SLC39A8: variants seen among roughly 807,000 people sequenced by gnomAD.
The protein encoded by SLC39A8 is metal cation symporter ZIP8.
In SLC39A8, 15 loss-of-function variants were observed where a neutral mutation model predicts 40.4. The observed-to-expected ratio is 0.37, with a 90% CI of 0.25 to 0.57. The LOEUF (loss-of-function observed/expected upper bound fraction) is 0.57, where lower values mean the gene tolerates loss of function less well. Ranked by LOEUF, SLC39A8 falls within the 20% of genes least tolerant of loss-of-function variation. The pLI, the probability that SLC39A8 is intolerant of heterozygous loss-of-function variation, is 0.75. For synonymous variants in SLC39A8, 223 were observed against 221.6 expected, an observed-to-expected ratio of 1.01 and a Z score of -0.06; for missense variants, 472 against 558.8, an observed-to-expected ratio of 0.84 and a Z score of 1.57.
intron 6 of SLC39A8, among the ~76,000 whole-genome samples, chr4:102,295,857 T>C (rs1733657716): frequency 6.6e-6 from 1 of 152,108 alleles, no homozygotes; most frequent in African/African-American, 2.4e-5. Context: ...ATAAAATGCT[T>C]TTGTCAAATT....
chr4:102,264,040 A>G (rs1731981171), intron 8 of SLC39A8, among the ~76,000 whole-genome samples: 1 of 152,140 alleles, frequency 6.6e-6, no homozygotes, highest in Non-Finnish European at 1.5e-5. Context: ...TCCAATTTCA[A>G]TTAATGTGGA....
chr4:102,331,485 A>T (rs769190456), intron 2 of SLC39A8, among the ~76,000 whole-genome samples: 1 of 152,164 alleles, frequency 6.6e-6, no homozygotes. Flanking sequence ...CTTCTAGGAG[A>T]ACTACAAACC....
intron 6 of SLC39A8, among the ~76,000 whole-genome samples, chr4:102,301,164 T>C (rs1366199573): frequency 2.0e-5 from 3 of 151,986 alleles, no homozygotes; most frequent in African/African-American, 7.2e-5. Flanking sequence ...TCTCACTAGA[T>C]AGGTAGTTTA....
At chr4:102,267,813 C>T in intron 7 of SLC39A8, 59 bp downstream of exon 7, 1 of 1,585,922 alleles carries the variant, frequency 6.3e-7, no homozygotes, top group African/African-American at 1.3e-5. Context: ...CCTGAAAAGT[C>T]TCATTCCACT....
intron 6 of SLC39A8, among the ~76,000 whole-genome samples, chr4:102,289,828 A>G (rs1733342437): frequency 6.6e-6 from 1 of 152,196 alleles, no homozygotes; most frequent in Non-Finnish European, 1.5e-5. Flanking sequence ...ATGAGCAAAC[A>G]AAGTGGTTTC....
intron 2 of SLC39A8, among the ~76,000 whole-genome samples, chr4:102,327,175 C>T (rs149356990): frequency 0.017 from 2,651 of 152,150 alleles, 43 homozygotes; most frequent in Middle Eastern, 0.065. Flanking sequence ...GCAGGAGGAT[C>T]GCTTGAGCCC....
chr4:102,313,903 A>G (rs1292910429), intron 3 of SLC39A8, among the ~76,000 whole-genome samples: 1 of 151,954 alleles, frequency 6.6e-6, no homozygotes, highest in African/African-American at 2.4e-5. Context: ...GTCTTTAAAT[A>G]TCATCTCTAG....
intron 2 of SLC39A8, among the ~76,000 whole-genome samples, chr4:102,319,201 G>A (rs1208504737): frequency 6.6e-6 from 1 of 152,204 alleles, no homozygotes; most frequent in African/African-American, 2.4e-5. Flanking sequence ...TTATGAGTCA[G>A]AAGTTTTTCT....
rs753892945 is a variant in SLC39A8, at chr4:102,267,471, C to T, written c.1233+19G>A. 6.4e-7 allele frequency: 1 copy of T among 1,560,994 alleles called. No homozygotes were observed. The highest frequency in any genetic ancestry group is 8.6e-7 in the Non-Finnish European group (1 of 1,158,112). ...CCAAATTTTAAATTAAAAGAAAATA[C>T]AAATTTTAAGCTTCTTACCATATCT... On this transcript the variant is annotated intron_variant, in intron 8 of 8. Coordinates refer to ENST00000356736, the MANE Select transcript of SLC39A8 (RefSeq NM_001135146.2).
At chr4:102,334,378 T>C (rs1489583030) in intron 2 of SLC39A8, among the ~76,000 whole-genome samples, 1 of 152,226 alleles carries the variant, frequency 6.6e-6, no homozygotes, top group Non-Finnish European at 1.5e-5. Flanking sequence ...GGAACTGATA[T>C]GTCCCAATTT....
At chr4:102,271,630 T>G (rs1732367711) in intron 6 of SLC39A8, among the ~76,000 whole-genome samples, 1 of 152,182 alleles carries the variant, frequency 6.6e-6, no homozygotes, top group African/African-American at 2.4e-5. Context: ...AGCAGAATGA[T>G]TCCACTGGAT....
chr4:102,314,720 T>A (rs1734583225), intron 3 of SLC39A8, among the ~76,000 whole-genome samples: 1 of 152,100 alleles, frequency 6.6e-6, no homozygotes, highest in Non-Finnish European at 1.5e-5. Context: ...GCTTCCTTGA[T>A]CTATCTAAGA....
chr4:102,288,222 CATT>C (rs986668833), intron 6 of SLC39A8, among the ~76,000 whole-genome samples: 4 of 152,054 alleles, frequency 2.6e-5, no homozygotes, highest in South Asian at 2.1e-4. Flanking sequence ...CAAACTTTTT[CATT>C]ATTATTATAT....
chr4:102,312,878 A>T (rs541947930), intron 3 of SLC39A8, among the ~76,000 whole-genome samples: 32 of 152,134 alleles, frequency 2.1e-4, no homozygotes, highest in Non-Finnish European at 3.8e-4. Flanking sequence ...ATTTGAGCCC[A>T]GGTAAACTGG....
chr4:102,315,977 A>C (rs1734638960), intron 2 of SLC39A8, 147 bp from the exon 3 acceptor site: 7 of 600,100 alleles, frequency 1.2e-5, no homozygotes, highest in Non-Finnish European at 1.8e-5. Flanking sequence ...AGGCCCCTAA[A>C]GTTGTAAAAC....
chr4:102,329,886 C>T (rs560389158), intron 2 of SLC39A8, among the ~76,000 whole-genome samples: 37 of 152,266 alleles, frequency 2.4e-4, no homozygotes, highest in African/African-American at 7.9e-4. Context: ...TCACTCAAAA[C>T]CACACAACTA....
At chr4:102,276,847 T>A (rs1732638060) in intron 6 of SLC39A8, among the ~76,000 whole-genome samples, 1 of 152,126 alleles carries the variant, frequency 6.6e-6, no homozygotes, top group African/African-American at 2.4e-5. Context: ...TGCAAACCAA[T>A]AAACACAATC....
At chr4:102,337,625 C>A (rs1184975777) in intron 2 of SLC39A8, among the ~76,000 whole-genome samples, 1 of 152,198 alleles carries the variant, frequency 6.6e-6, no homozygotes, top group Non-Finnish European at 1.5e-5. Context: ...AACACCTATG[C>A]ACAAACCACT....
At chr4:102,256,592 A>G (rs189165884) in intron 11 of SLC39A8, among the ~76,000 whole-genome samples, 1 of 152,300 alleles carries the variant, frequency 6.6e-6, no homozygotes, top group East Asian at 1.9e-4. Flanking sequence ...ATCTAACCTA[A>G]TGCCATCTTG....
Sources: allele counts gnomAD v4.1 joint callset (sites outside exome capture counted in the v4.1 genomes callset), GRCh38; gene constraint gnomAD v4.1.1; transcripts MANE v1.5; gene names NCBI Gene and HGNC (gene_info 2026-07-23, HGNC 2026-07-21).